Variants in SKP2 observed in about 807,000 individuals in gnomAD.
SKP2 encodes the protein S-phase kinase-associated protein 2.
A neutral mutation model predicts 51.8 loss-of-function variants in SKP2; 16 were observed. That is an observed-to-expected ratio of 0.31 (90% CI 0.21 to 0.47). The LOEUF (loss-of-function observed/expected upper bound fraction) is 0.47, where lower values mean the gene tolerates loss of function less well. Ranked by LOEUF, SKP2 falls within the 20% of genes least tolerant of loss-of-function variation. SKP2 has a pLI of 1.00. For missense variants in SKP2, 377 were observed against 505.3 expected (o/e 0.75, Z 2.43); for synonymous variants, 176 against 198.6 (o/e 0.89, Z 0.96).
intron 6 of SKP2, among the ~76,000 whole-genome samples, chr5:36,190,295 C>G (rs760226296): frequency 6.6e-6 from 1 of 152,130 alleles, no homozygotes; most frequent in Non-Finnish European, 1.5e-5. Context: ...AGAAATCACC[C>G]GTATTCTGCG....
chr5:36,171,822 G>A (rs1745486008), intron 7 of SKP2, 89 bp downstream of exon 7: 1 of 1,345,572 alleles, frequency 7.4e-7, no homozygotes, highest in African/African-American at 1.4e-5. Context: ...CTCCACATAA[G>A]TTTTCTCATT....
downstream of SKP2, among the ~76,000 whole-genome samples, chr5:36,184,629 A>G (rs1231376746): frequency 6.6e-6 from 1 of 152,176 alleles, no homozygotes; most frequent in Non-Finnish European, 1.5e-5. Context: ...TCCATGGTGT[A>G]TATGTGCCAC....
chr5:36,173,437 C>T (rs1196824365), intron 7 of SKP2, among the ~76,000 whole-genome samples: 1 of 152,154 alleles, frequency 6.6e-6, no homozygotes, highest in Non-Finnish European at 1.5e-5. Context: ...AGTGTGAAAT[C>T]CCATCACTCT....
Position 36,182,468 on chromosome 5 carries a change from T to G in SKP2, c.*437T>G. 1.0e-6 allele frequency: 1 copy of G among 989,842 alleles called. No individual in the cohort carries two copies. The highest frequency in any genetic ancestry group is 1.2e-6 in the Non-Finnish European group (1 of 832,226). 61.3% of individuals were successfully genotyped at this position (989,842 alleles called of 1,614,324 possible). On this transcript the variant is annotated 3_prime_UTR_variant, in exon 10 of 10. Coordinates refer to ENST00000274255, the MANE Select transcript of SKP2 (RefSeq NM_005983.4). ...ACAGCTTAGAAGAACAATAAGCTAT[T>G]TGTATTATGAGCTGAACAAAAAGAG...
At chr5:36,178,158 A>G (rs1397015107) in intron 9 of SKP2, among the ~76,000 whole-genome samples, 1 of 152,174 alleles carries the variant, frequency 6.6e-6, no homozygotes, top group Non-Finnish European at 1.5e-5. Context: ...ATTAAAAACC[A>G]CAAGAGGTCA....
At chr5:36,180,550 A>G (rs982471358) in intron 9 of SKP2, among the ~76,000 whole-genome samples, 36 of 152,190 alleles carry the variant, frequency 2.4e-4, no homozygotes, top group African/African-American at 8.7e-4. Context: ...ACCTTGTAGA[A>G]TGTAGAATAA....
At chr5:36,188,803 T>C (rs570549681), downstream of SKP2, among the ~76,000 whole-genome samples, 11 of 152,356 alleles carry the variant, frequency 7.2e-5, no homozygotes, top group African/African-American at 2.6e-4. Flanking sequence ...GACATTCTCC[T>C]GGATAATATC....
At chr5:36,171,361 G>A (rs1304818777) in intron 6 of SKP2, among the ~76,000 whole-genome samples, 2 of 152,156 alleles carry the variant, frequency 1.3e-5, no homozygotes, top group Non-Finnish European at 2.9e-5. Flanking sequence ...GAGCCATCAG[G>A]TGCTTCTCTC....
In SKP2 at chr5:36,168,228, AT is replaced by A; in HGVS notation, c.537-82del. ...GAGTCTTGTTTGTGATTGGCTGCTCATTTGGGGAGAAGAGGGGTCTGGTTTG... is the reference window on the plus strand; with the variant it reads ...GAGTCTTGTTTGTGATTGGCTGCTCATTGGGGAGAAGAGGGGTCTGGTTTG... On this transcript the variant is annotated intron_variant, in intron 4 of 9. Transcript: ENST00000274255. 3.0e-6 allele frequency: 4 copies of A among 1,311,766 alleles called. No homozygotes were observed. The South Asian group carries it at 5.3e-5, about 17-fold the overall frequency. The allele number at this position is 1,311,766 out of a possible 1,614,324, so 81.3% of individuals were successfully genotyped here. A position where few individuals can be genotyped will look rare whatever the true frequency, so the allele number is the denominator to read the frequency against.
intron 6 of SKP2, among the ~76,000 whole-genome samples, chr5:36,191,470 T>C (rs752813984): frequency 9.9e-5 from 15 of 151,988 alleles, no homozygotes; most frequent in African/African-American, 1.2e-4. Context: ...ACCTGTCTGT[T>C]TCATTTTCAC....
At position 36,182,370 on chromosome 5, in the gene SKP2, A is replaced by G. The variant is rs890522119; in HGVS notation, c.*339A>G. 160 of 1,046,504 alleles carry G rather than the reference A, an allele frequency of 1.5e-4. No individual in the cohort carries two copies. The highest frequency in any genetic ancestry group is 1.8e-4 in the Non-Finnish European group (152 of 868,062). 64.8% of individuals were successfully genotyped at this position (1,046,504 alleles called of 1,614,324 possible). A position where few individuals can be genotyped will look rare whatever the true frequency, so the allele number is the denominator to read the frequency against. Reference sequence around the variant, plus strand: ...AGTCTATTCAGAATCAAGCTTAAAAATTACCACCAGCAAACAATCTTCATA... The same window carrying G: ...AGTCTATTCAGAATCAAGCTTAAAAGTTACCACCAGCAAACAATCTTCATA... On this transcript the variant is annotated 3_prime_UTR_variant, in exon 10 of 10. Coordinates refer to ENST00000274255, the MANE Select transcript of SKP2 (RefSeq NM_005983.4).
intron 2 of SKP2, among the ~76,000 whole-genome samples, chr5:36,160,088 A>G (rs116254323): frequency 9.5e-4 from 145 of 152,302 alleles, no homozygotes; most frequent in Non-Finnish European, 1.4e-3. Context: ...AAATCTGTCA[A>G]TTTCCTTTCC....
At position 36,163,772 on chromosome 5, in the gene SKP2, C is replaced by T. The variant is rs952148317; in HGVS notation, c.392+16C>T. ...ATCGCCTAGCGTAAGTATTTTTCACCCCTTTGGCAAACGTAGGGGAGGAAG... is the reference window on the plus strand; with the variant it reads ...ATCGCCTAGCGTAAGTATTTTTCACTCCTTTGGCAAACGTAGGGGAGGAAG... On this transcript the variant is annotated intron_variant, in intron 3 of 9. Transcript: ENST00000274255. 1 of 1,522,550 alleles carries T rather than the reference C, an allele frequency of 6.6e-7. No individual in the cohort carries two copies. Among genetic ancestry groups the T allele is most frequent in the African/African-American group, 1.4e-5 (1 of 73,218 alleles). The allele number at this position is 1,522,550 out of a possible 1,614,324, so 94.3% of individuals were successfully genotyped here.
intron 2 of SKP2, among the ~76,000 whole-genome samples, chr5:36,163,162 T>G (rs987063390): frequency 2.6e-5 from 4 of 152,120 alleles, no homozygotes; most frequent in African/African-American, 9.7e-5. Flanking sequence ...TTAAATAAGG[T>G]CACTACTGAG....
downstream of SKP2, among the ~76,000 whole-genome samples, chr5:36,187,832 G>A (rs1335971047): frequency 6.6e-6 from 1 of 150,716 alleles, no homozygotes; most frequent in African/African-American, 2.4e-5. Context: ...GTTGACAGTG[G>A]GGTGTTAAAG....
intron 4 of SKP2, among the ~76,000 whole-genome samples, chr5:36,166,869 A>ATGACACT (rs1161673651): frequency 6.6e-6 from 1 of 151,968 alleles, no homozygotes; most frequent in Non-Finnish European, 1.5e-5. Context: ...ATTTCACTCA[A>ATGACACT]GTTTACTGTT....
chr5:36,152,303 A>C (rs1744756731), intron 1 of SKP2, 33 bp downstream of exon 1: 4 of 1,600,816 alleles, frequency 2.5e-6, no homozygotes, highest in Non-Finnish European at 3.4e-6. Flanking sequence ...AAGAGCATGA[A>C]ATGGACCCTC....
downstream of SKP2, among the ~76,000 whole-genome samples, chr5:36,188,840 C>A (rs1554006074): frequency 6.6e-6 from 1 of 152,168 alleles, no homozygotes; most frequent in Non-Finnish European, 1.5e-5. Flanking sequence ...AACTTGGTTC[C>A]ATTCTCCCCG....
intron 7 of SKP2, among the ~76,000 whole-genome samples, chr5:36,175,422 A>T (rs1745601333): frequency 6.6e-6 from 1 of 152,068 alleles, no homozygotes; most frequent in Non-Finnish European, 1.5e-5. Context: ...AGGAGAGGGG[A>T]TATACTTGTG....
Sources: gnomAD v4.1 joint callset for allele counts (sites outside exome capture counted in the v4.1 genomes callset) on GRCh38, gnomAD v4.1.1 for gene constraint, MANE v1.5 for transcripts, NCBI Gene and HGNC (gene_info 2026-07-23, HGNC 2026-07-21) for gene names.